ANK2: variants seen among roughly 807,000 people sequenced by gnomAD.
The protein encoded by ANK2 is ankyrin 2.
A neutral mutation model predicts 360.5 loss-of-function variants in ANK2; 83 were observed. The observed-to-expected ratio is 0.23, with a 90% CI of 0.19 to 0.28. The LOEUF is 0.28. Among genes scored for constraint, ANK2 ranks in the 10% least tolerant of loss-of-function variants. The pLI, the probability that ANK2 is intolerant of heterozygous loss-of-function variation, is 1.00. For synonymous variants in ANK2, 1,740 were observed against 1,759.5 expected (o/e 0.99, Z 0.28); for missense variants, 4,201 against 4,795.7 (o/e 0.88, Z 3.66).
intron 5 of ANK2, among the ~76,000 whole-genome samples, 172 bp from the exon 6 acceptor site, chr4:113,236,815 A>G (rs776266353): frequency 6.6e-6 from 1 of 152,254 alleles, no homozygotes; most frequent in Non-Finnish European, 1.5e-5. Flanking sequence ...TGATTAAACT[A>G]TTCCATAATA....
Position 113,174,535 on chromosome 4 carries a change from A to G in ANK2, c.186+18A>G, listed in dbSNP as rs1057521531. ...GCAATCAGGTAAGAACATGGCAGCT[A>G]GCTCTGTGTTGTGCAACGAAGGAAC... On this transcript the variant is annotated intron_variant, in intron 2 of 45. Coordinates refer to ENST00000357077, the MANE Select transcript of ANK2 (RefSeq NM_001148.6). 2.6e-6 allele frequency: 4 copies of G among 1,550,942 alleles called. No homozygotes were observed. Among genetic ancestry groups the G allele is most frequent in the Admixed American group, 1.7e-5 (1 of 59,352 alleles).
rs546045673 is a variant in ANK2 at position 112,937,294 on chromosome 4, G to A, written c.21+32780G>A. Among the ~76,000 whole-genome samples the A allele has an allele frequency of 2.0e-5, 3 of 151,386 alleles. No homozygotes were observed. The South Asian group carries it at 6.3e-4, about 32-fold the overall frequency. On this transcript the variant is annotated intron_variant, in intron 2 of 30. Transcript: ENST00000503271. ...CTATAAAAGTACTCAAGATATGTGA[G>A]TATAGAATTTCTTTGTAAAACCACA... is the stretch of plus-strand genomic sequence containing the variant.
chr4:112,759,799 A>C, the ANK2 span, among the ~76,000 whole-genome samples: 2 of 152,088 alleles, frequency 1.3e-5, no homozygotes, highest in East Asian at 3.9e-4. Flanking sequence ...TTCTACGTTC[A>C]TATATATATA....
At chr4:112,839,699 T>G (rs919902464) in intron 1 of ANK2, among the ~76,000 whole-genome samples, 1 of 152,226 alleles carries the variant, frequency 6.6e-6, no homozygotes, top group Non-Finnish European at 1.5e-5. Context: ...AAGCGGCTTA[T>G]TTTTTCAATT....
chr4:112,903,831 C>T (rs185451395), intron 1 of ANK2, among the ~76,000 whole-genome samples: 10 of 152,242 alleles, frequency 6.6e-5, no homozygotes, highest in Admixed American at 2.6e-4. Context: ...GGTCAGGTCA[C>T]GTAAACTTTA....
At chr4:113,127,699 G>A (rs552980041) in intron 1 of ANK2, among the ~76,000 whole-genome samples, 2 of 152,156 alleles carry the variant, frequency 1.3e-5, no homozygotes, top group East Asian at 3.9e-4. Flanking sequence ...TAAAGTTGGA[G>A]CACTTACAGA....
intron 2 of ANK2, among the ~76,000 whole-genome samples, chr4:113,021,320 T>C (rs1432022616): frequency 6.6e-6 from 1 of 151,914 alleles, no homozygotes; most frequent in African/African-American, 2.4e-5. Context: ...GTGTGAGTTG[T>C]TTTTAACAGC....
chr4:112,963,988 C>T (rs58114681), intron 2 of ANK2, among the ~76,000 whole-genome samples: 12,692 of 150,498 alleles, frequency 0.084, 873 homozygotes, highest in African/African-American at 0.19. Context: ...TGACTATATC[C>T]CTATTATTGA....
Position 112,991,419 on chromosome 4 carries a change from G to A in ANK2, c.21+86905G>A, listed in dbSNP as rs148970078. On this transcript the variant is annotated intron_variant, in intron 2 of 30. Coordinates refer to the ANK2 transcript ENST00000503271. ...ATAACAAAATGCCACAGATAGGGTG[G>A]CTTAAAACCCAGAAATTTATTTAAT... Among the ~76,000 whole-genome samples, 572 of 152,042 alleles carry A rather than the reference G, an allele frequency of 3.8e-3. 3 individuals are homozygous for A. Among genetic ancestry groups the A allele is most frequent in the Admixed American group, 9.5e-3 (145 of 15,260 alleles).
intron 4 of ANK2, among the ~76,000 whole-genome samples, chr4:113,214,671 G>A (rs17629019): frequency 0.14 from 22,029 of 152,068 alleles, 1,748 homozygotes; most frequent in East Asian, 0.25. Context: ...AAGTTTTTAT[G>A]TATGAGCATG....
the ANK2 span, among the ~76,000 whole-genome samples, chr4:112,743,314 T>A: frequency 2.0e-5 from 3 of 152,134 alleles, no homozygotes; most frequent in Non-Finnish European, 4.4e-5. Context: ...TTTCTTTCAG[T>A]TCTACAATAT....
intron 1 of ANK2, among the ~76,000 whole-genome samples, chr4:113,052,460 C>T (rs921637169): frequency 5.9e-5 from 9 of 152,138 alleles, no homozygotes; most frequent in Non-Finnish European, 2.9e-5. Context: ...AAATACGTAA[C>T]AGATGGGCTG....
intron 10 of ANK2, among the ~76,000 whole-genome samples, chr4:113,254,399 G>C (rs994094753): frequency 6.6e-6 from 1 of 152,100 alleles, no homozygotes; most frequent in African/African-American, 2.4e-5. Context: ...ATTAGATGAT[G>C]AATATTTTAT....
chr4:112,747,860 A>G, the ANK2 span, among the ~76,000 whole-genome samples: 2 of 152,208 alleles, frequency 1.3e-5, no homozygotes, highest in African/African-American at 4.8e-5. Context: ...ATTTCTGAAT[A>G]TGTGATAACT....
chr4:113,288,341 T>A (rs780612463), intron 19 of ANK2, 47 bp from the exon 20 acceptor site: 4 of 1,501,530 alleles, frequency 2.7e-6, no homozygotes, highest in Non-Finnish European at 3.7e-6. Flanking sequence ...ACTAGAGTAG[T>A]AAAGTTTCTA....
chr4:113,355,296 T>G lies in ANK2; in HGVS notation c.6678T>G (p.Ser2226Arg), dbSNP rs1345711282. ...GSLMEGTPQI[S>R]SEESYKHEGL... Reference sequence around the variant, plus strand: ...TGATGGAGGGGACCCCTCAGATTAGTTCAGAAGAAAGCTATAAGCATGAAG... The same window carrying G: ...TGATGGAGGGGACCCCTCAGATTAGGTCAGAAGAAAGCTATAAGCATGAAG... The change falls in exon 38 of 46, where the codon AGT (serine) becomes AGG (arginine). Residue 2226 changes from serine (S) to arginine (R), a missense_variant. Ser to Arg is a moderately radical substitution (Grantham distance 110). Coordinates refer to ENST00000357077, the MANE Select transcript of ANK2 (RefSeq NM_001148.6). The G allele has an allele frequency of 2.5e-6, 4 of 1,613,816 alleles. No homozygotes were observed. The highest frequency in any genetic ancestry group is 3.4e-6 in the Non-Finnish European group (4 of 1,179,946).
chr4:113,107,509 G>T (rs573076595), intron 1 of ANK2, among the ~76,000 whole-genome samples: 1 of 152,240 alleles, frequency 6.6e-6, no homozygotes, highest in African/African-American at 2.4e-5. Context: ...GAGCCACCGC[G>T]CCCAGCCAGT....
chr4:113,215,536 G>A (rs1227640147), intron 4 of ANK2, among the ~76,000 whole-genome samples: 1 of 152,076 alleles, frequency 6.6e-6, no homozygotes, highest in Admixed American at 6.5e-5. Flanking sequence ...TCTGGAGTGG[G>A]GAGTGGAGAA....
intron 1 of ANK2, among the ~76,000 whole-genome samples, chr4:113,082,322 G>T (rs2082728405): frequency 6.6e-6 from 1 of 151,892 alleles, no homozygotes; most frequent in Non-Finnish European, 1.5e-5. Flanking sequence ...CCTTTTTGTG[G>T]AGAGTGGGGT....
Sources: allele counts gnomAD v4.1 joint callset (sites outside exome capture counted in the v4.1 genomes callset), GRCh38; gene constraint gnomAD v4.1.1; transcripts MANE v1.5; gene names NCBI Gene and HGNC (gene_info 2026-07-23, HGNC 2026-07-21).